The following KIF24 variants were observed in gnomAD, a reference collection of about 807,000 sequenced individuals.
KIF24 encodes the protein kinesin-like protein KIF24.
In KIF24, 81 loss-of-function variants were observed where a neutral mutation model predicts 118.9. The observed-to-expected ratio is 0.68, with a 90% CI of 0.57 to 0.82. KIF24 has a LOEUF of 0.82. Among genes scored for constraint, KIF24 ranks in the 40% least tolerant of loss-of-function variants. The pLI, the probability that KIF24 is intolerant of heterozygous loss-of-function variation, is 0.00. For missense variants in KIF24, 1,560 were observed against 1,661.6 expected (o/e 0.94, Z 1.06); for synonymous variants, 599 against 610.0 (o/e 0.98, Z 0.27).
At chr9:34,317,001 G>A (rs534172470) in intron 1 of KIF24, among the ~76,000 whole-genome samples, 1 of 152,182 alleles carries the variant, frequency 6.6e-6, no homozygotes, top group South Asian at 2.1e-4. Flanking sequence ...GATCATCTGA[G>A]GTCAGGAGTT....
chr9:34,257,918 A>C lies in KIF24; in HGVS notation c.1689T>G (p.Ser563=), dbSNP rs1834920600. Residue 563 remains serine (S), a synonymous_variant, in exon 11 of 13, where the codon TCT becomes TCG. Coordinates refer to ENST00000402558, the MANE Select transcript of KIF24 (RefSeq NM_194313.4). Reference sequence around the variant, plus strand: ...GAATTCGTTTTGGAGAGGAGTTTCCAGATGTCCGATTTCGACTGGTAACTG... The same window carrying C: ...GAATTCGTTTTGGAGAGGAGTTTCCCGATGTCCGATTTCGACTGGTAACTG... ...CTSVTSRNRT[S]GNSSPKRIQS... is the part of the protein sequence containing the mutation. 6.2e-7 allele frequency: 1 copy of C among 1,614,012 alleles called. No homozygotes were observed. The highest frequency in any genetic ancestry group is 1.7e-5 in the Admixed American group (1 of 60,012).
At chr9:34,320,327 T>A (rs1587975636) in intron 1 of KIF24, among the ~76,000 whole-genome samples, 1 of 126,292 alleles carries the variant, frequency 7.9e-6, no homozygotes, top group Non-Finnish European at 1.7e-5. Flanking sequence ...AATAAAATGT[T>A]CCAACAAAAA....
chr9:34,306,001 T>C (rs1836901106), intron 3 of KIF24, among the ~76,000 whole-genome samples: 1 of 152,204 alleles, frequency 6.6e-6, no homozygotes, highest in Non-Finnish European at 1.5e-5. Context: ...TAAGTGAATA[T>C]ATGATGTAGC....
intron 4 of KIF24, among the ~76,000 whole-genome samples, chr9:34,293,308 C>T (rs1027467805): frequency 6.6e-6 from 1 of 150,912 alleles, no homozygotes; most frequent in African/African-American, 2.4e-5. Flanking sequence ...GGCAAGACCC[C>T]ATCTCTACTA....
At chr9:34,319,505 C>T in intron 1 of KIF24, 2 of 1,289,676 alleles carry the variant, frequency 1.6e-6, no homozygotes, top group Admixed American at 1.8e-5. Context: ...TTGACCAGGA[C>T]ATCTATGGGA....
At chr9:34,303,069 C>A (rs1293491455) in intron 3 of KIF24, among the ~76,000 whole-genome samples, 1 of 151,898 alleles carries the variant, frequency 6.6e-6, no homozygotes, top group Non-Finnish European at 1.5e-5. Context: ...CCACCGTGCC[C>A]AGCCTAATTT....
At chr9:34,266,267 A>T (rs576245760) in intron 8 of KIF24, among the ~76,000 whole-genome samples, 1 of 152,288 alleles carries the variant, frequency 6.6e-6, no homozygotes, top group Non-Finnish European at 1.5e-5. Flanking sequence ...AACAAAAAAT[A>T]ACACCTTATT....
intron 10 of KIF24, among the ~76,000 whole-genome samples, chr9:34,259,067 G>C (rs79694088): frequency 3.3e-3 from 507 of 152,290 alleles, no homozygotes; most frequent in Admixed American, 5.4e-3. Context: ...GGCCTGGCCA[G>C]GCAGTCAAGA....
Position 34,262,876 on chromosome 9 carries a change from A to C in KIF24, c.1515+225T>G, listed in dbSNP as rs762499804. On this transcript the variant is annotated intron_variant, in intron 9 of 12. Transcript: ENST00000402558. ...ACCCTGTCTCAAAAACAACAACAAA[A>C]AGTTTTGATTTTTGAAGCATTTCAG... 5.2e-4 allele frequency among the ~76,000 whole-genome samples: 79 copies of C among 150,576 alleles called. 1 individual carries two copies. Among genetic ancestry groups the C allele is most frequent in the Non-Finnish European group, 7.1e-4 (48 of 67,718 alleles).
At position 34,254,273 on chromosome 9, in the gene KIF24, G is replaced by A. The variant is rs1435176754; in HGVS notation, c.*107C>T. ...TGACGCTAGCATAGGCAGGACCAGC[G>A]TGTGGGTTCTGGTGTGTGCAGGGAG... On this transcript the variant is annotated 3_prime_UTR_variant, in exon 13 of 13. Transcript: ENST00000402558. 19 of 1,255,266 alleles carry A rather than the reference G, an allele frequency of 1.5e-5. No individual in the cohort carries two copies. Among genetic ancestry groups the A allele is most frequent in the African/African-American group, 3.1e-5 (2 of 65,436 alleles). 77.8% of individuals were successfully genotyped at this position (1,255,266 alleles called of 1,614,324 possible). A position where few individuals can be genotyped will look rare whatever the true frequency, so the allele number is the denominator to read the frequency against.
At chr9:34,265,460 G>T (rs1464522802) in intron 8 of KIF24, among the ~76,000 whole-genome samples, 1 of 152,140 alleles carries the variant, frequency 6.6e-6, no homozygotes, top group African/African-American at 2.4e-5. Context: ...GTGAGCCACA[G>T]CTCCTGGCCT....
chr9:34,329,641 G>A (rs1837821611), upstream of KIF24: 2 of 152,304 alleles, frequency 1.3e-5, no homozygotes, highest in Admixed American at 1.3e-4. Context: ...GTTCTCAGTG[G>A]AGGAAATGAG....
intron 8 of KIF24, among the ~76,000 whole-genome samples, chr9:34,268,537 T>G (rs1224396415): frequency 9.5e-5 from 13 of 136,448 alleles, no homozygotes; most frequent in Non-Finnish European, 1.7e-4. Context: ...AGACTGAGTC[T>G]CACTCTGTCA....
chr9:34,321,632 C>T (rs1271308340), intron 1 of KIF24, among the ~76,000 whole-genome samples: 5 of 126,868 alleles, frequency 3.9e-5, no homozygotes, highest in African/African-American at 8.6e-5. Context: ...TTAGAGAAAG[C>T]GTCTCACTCT....
chr9:34,330,219 C>A (rs1837860241), upstream of KIF24, among the ~76,000 whole-genome samples: 1 of 152,084 alleles, frequency 6.6e-6, no homozygotes, highest in African/African-American at 2.4e-5. Context: ...CTGGCTAACA[C>A]GGTGAAACCC....
At chr9:34,264,939 G>C (rs1415207148) in intron 8 of KIF24, among the ~76,000 whole-genome samples, 1 of 152,148 alleles carries the variant, frequency 6.6e-6, no homozygotes, top group Non-Finnish European at 1.5e-5. Flanking sequence ...CAGTCATGCA[G>C]TGATCTTGAG....
At chr9:34,332,317 T>C (rs1837963868), upstream of KIF24, among the ~76,000 whole-genome samples, 1 of 152,198 alleles carries the variant, frequency 6.6e-6, no homozygotes, top group South Asian at 2.1e-4. Flanking sequence ...TCAGAATCCT[T>C]ATGGGGTACC....
intron 6 of KIF24, among the ~76,000 whole-genome samples, chr9:34,280,283 C>CAAAAAAAAAA (rs56387532): frequency 1.4e-4 from 9 of 64,456 alleles, no homozygotes; most frequent in African/African-American, 7.4e-4. Flanking sequence ...GACTCCGTCT[C>CAAAAAAAAAA]AAAAAAAAAA....
At position 34,269,240 on chromosome 9, in the gene KIF24, GA is replaced by G. The variant is rs1835407682; in HGVS notation, c.1443+16del. The G allele has an allele frequency of 1.4e-6, 2 of 1,469,158 alleles. No individual in the cohort carries two copies. The highest frequency in any genetic ancestry group is 3.5e-5 in the Admixed American group (2 of 56,702). 91.0% of individuals were successfully genotyped at this position (1,469,158 alleles called of 1,614,324 possible). On this transcript the variant is annotated intron_variant, in intron 8 of 12. Coordinates refer to ENST00000402558, the MANE Select transcript of KIF24 (RefSeq NM_194313.4). ...TTTCAAGAAGGATTTTTAGATTAAA[GA>G]TTTTGAACAACTTACAGCCAGTAGA... is the stretch of plus-strand genomic sequence containing the variant.
Sources: gnomAD v4.1 joint callset for allele counts (sites outside exome capture counted in the v4.1 genomes callset) on GRCh38, gnomAD v4.1.1 for gene constraint, MANE v1.5 for transcripts, NCBI Gene and HGNC (gene_info 2026-07-23, HGNC 2026-07-21) for gene names.